The following CFAP210 variants were observed in gnomAD, a reference collection of about 807,000 sequenced individuals.
CFAP210 encodes the protein cilia- and flagella- associated protein 210.
At chr2:169,687,887 A>G in the CFAP210 span, among the ~76,000 whole-genome samples, 1 of 151,768 alleles carries the variant, frequency 6.6e-6, no homozygotes, top group Non-Finnish European at 1.5e-5. Flanking sequence ...TTTTGCCTGG[A>G]CATCCAGGCA....
At chr2:169,692,029 C>A in the CFAP210 span, among the ~76,000 whole-genome samples, 1 of 152,210 alleles carries the variant, frequency 6.6e-6, no homozygotes, top group African/African-American at 2.4e-5. Context: ...TTAGCCTCTA[C>A]TTCTTTCTTA....
chr2:169,662,342 C>T, the CFAP210 span: 3 of 1,604,952 alleles, frequency 1.9e-6, no homozygotes, highest in Non-Finnish European at 2.5e-6. Flanking sequence ...TTTCTCATTT[C>T]AATTTCATAT....
the CFAP210 span, among the ~76,000 whole-genome samples, chr2:169,652,804 G>A: frequency 6.7e-6 from 1 of 149,248 alleles, no homozygotes; most frequent in Non-Finnish European, 1.5e-5. Context: ...GACCATCCTG[G>A]CTAACACGGT....
At chr2:169,679,295 A>G in the CFAP210 span, among the ~76,000 whole-genome samples, 1 of 152,204 alleles carries the variant, frequency 6.6e-6, no homozygotes, top group African/African-American at 2.4e-5. Flanking sequence ...TGCAAGTCAC[A>G]AGGATTTGGT....
the CFAP210 span, among the ~76,000 whole-genome samples, chr2:169,668,474 G>A: frequency 6.6e-6 from 1 of 152,206 alleles, no homozygotes; most frequent in Non-Finnish European, 1.5e-5. Flanking sequence ...TGGCTGTTTG[G>A]TGGAAGAGAC....
chr2:169,648,609 T>C, the CFAP210 span, among the ~76,000 whole-genome samples: 1 of 152,186 alleles, frequency 6.6e-6, no homozygotes, highest in African/African-American at 2.4e-5. Context: ...TTATCTTTGG[T>C]CATTAGAGAA....
chr2:169,661,609 C>T, the CFAP210 span, among the ~76,000 whole-genome samples: 1 of 152,158 alleles, frequency 6.6e-6, no homozygotes, highest in African/African-American at 2.4e-5. Flanking sequence ...CAACAGACAC[C>T]AAACATAAAT....
chr2:169,646,180 G>A, the CFAP210 span: 1 of 1,598,228 alleles, frequency 6.3e-7, no homozygotes, highest in Non-Finnish European at 8.5e-7. Context: ...ACTTATTTTT[G>A]GCCTATTTGG....
chr2:169,669,956 C>T, the CFAP210 span, among the ~76,000 whole-genome samples: 1 of 152,156 alleles, frequency 6.6e-6, no homozygotes, highest in Non-Finnish European at 1.5e-5. Context: ...ATGGCACTTA[C>T]ATCTGTAAAA....
At chr2:169,667,581 T>C in the CFAP210 span, among the ~76,000 whole-genome samples, 1 of 152,122 alleles carries the variant, frequency 6.6e-6, no homozygotes, top group African/African-American at 2.4e-5. Flanking sequence ...GACTTGAAAG[T>C]CTAAATTACT....
chr2:169,680,641 T>A, the CFAP210 span, among the ~76,000 whole-genome samples: 1 of 152,182 alleles, frequency 6.6e-6, no homozygotes, highest in African/African-American at 2.4e-5. Flanking sequence ...AAAGTAATTG[T>A]GTTGAATGAA....
chr2:169,694,398 C>G, the CFAP210 span: 194 of 1,470,346 alleles, frequency 1.3e-4, no homozygotes, highest in Middle Eastern at 1.8e-4. Flanking sequence ...AGTTGTTACT[C>G]GTACCACGCG....
the CFAP210 span, among the ~76,000 whole-genome samples, chr2:169,685,469 T>C: frequency 6.6e-6 from 1 of 152,326 alleles, no homozygotes; most frequent in African/African-American, 2.4e-5. Context: ...CTTTTTATTG[T>C]TGAGTTGTAA....
chr2:169,653,977 T>C, the CFAP210 span: 2 of 1,275,520 alleles, frequency 1.6e-6, no homozygotes, highest in South Asian at 1.7e-5. Context: ...TAGTCATATA[T>C]AAAATAAGAT....
At chr2:169,645,507 G>A in the CFAP210 span, 1 of 192,960 alleles carries the variant, frequency 5.2e-6, no homozygotes, top group Non-Finnish European at 1.1e-5. Context: ...AGGGGAATGG[G>A]GAGTGACTGC....
chr2:169,670,687 A>C, the CFAP210 span, among the ~76,000 whole-genome samples: 2 of 152,034 alleles, frequency 1.3e-5, no homozygotes, highest in African/African-American at 4.8e-5. Flanking sequence ...TGCCACATGG[A>C]CCTCTCCATT....
chr2:169,672,220 G>T, the CFAP210 span, among the ~76,000 whole-genome samples: 1 of 152,182 alleles, frequency 6.6e-6, no homozygotes, highest in Non-Finnish European at 1.5e-5. Flanking sequence ...AATTTCCTAT[G>T]TTGTTTCCAA....
chr2:169,686,387 G>T, the CFAP210 span, among the ~76,000 whole-genome samples: 1 of 152,100 alleles, frequency 6.6e-6, no homozygotes, highest in African/African-American at 2.4e-5. Context: ...AGATCAATTT[G>T]GGAAGTATTG....
the CFAP210 span, chr2:169,648,189 A>T: frequency 1.4e-5 from 3 of 221,440 alleles, no homozygotes; most frequent in African/African-American, 7.6e-5. Context: ...AAAAAAAAAA[A>T]AGTGAAAACC....
Sources: gnomAD v4.1 joint callset for allele counts (sites outside exome capture counted in the v4.1 genomes callset) on GRCh38, gnomAD v4.1.1 for gene constraint, MANE v1.5 for transcripts, NCBI Gene and HGNC (gene_info 2026-07-23, HGNC 2026-07-21) for gene names.